Variants in FHIT observed in about 807,000 individuals in gnomAD.
The protein encoded by FHIT is bis(5'-adenosyl)-triphosphatase.
In FHIT, 19 loss-of-function variants were observed where a neutral mutation model predicts 17.9. That is an observed-to-expected ratio of 1.06 (90% CI 0.74 to 1.56). The LOEUF (loss-of-function observed/expected upper bound fraction) is 1.56, where lower values mean the gene tolerates loss of function less well. Ranked by LOEUF, FHIT falls within the 40% of genes most tolerant of loss-of-function variation. FHIT has a pLI of 0.00. For missense variants in FHIT, 248 were observed against 189.2 expected, an observed-to-expected ratio of 1.31 and a Z score of -1.82; for synonymous variants, 81 against 69.7, an observed-to-expected ratio of 1.16 and a Z score of -0.81.
chr3:60,260,059 G>A (rs540753444), intron 5 of FHIT, among the ~76,000 whole-genome samples: 23 of 152,124 alleles, frequency 1.5e-4, no homozygotes, highest in African/African-American at 9.6e-5. Context: ...AGGTCAGAAA[G>A]GATTTGCTTT....
chr3:60,820,665 G>A (rs1701892221), intron 4 of FHIT, among the ~76,000 whole-genome samples: 1 of 152,200 alleles, frequency 6.6e-6, no homozygotes, highest in East Asian at 1.9e-4. Flanking sequence ...AAGGCAGCAC[G>A]AAGGATAAGC....
intron 3 of FHIT, among the ~76,000 whole-genome samples, chr3:60,969,296 C>T (rs1460815202): frequency 1.3e-5 from 2 of 152,158 alleles, no homozygotes; most frequent in East Asian, 3.9e-4. Context: ...TTCAAATTTA[C>T]TGGCATAAAA....
At chr3:61,111,194 C>A (rs1422128569) in intron 2 of FHIT, among the ~76,000 whole-genome samples, 3 of 152,142 alleles carry the variant, frequency 2.0e-5, no homozygotes, top group Non-Finnish European at 2.9e-5. Flanking sequence ...CACTTTAAGC[C>A]TCGGTGCCTT....
At chr3:61,220,097 C>A in intron 1 of FHIT, among the ~76,000 whole-genome samples, 1 of 152,168 alleles carries the variant, frequency 6.6e-6, no homozygotes, top group East Asian at 1.9e-4. Context: ...AGGAAAGAGT[C>A]TGTGCATTCA....
intron 4 of FHIT, among the ~76,000 whole-genome samples, chr3:60,539,975 T>C (rs2036130662): frequency 6.7e-6 from 1 of 148,312 alleles, no homozygotes; most frequent in Non-Finnish European, 1.5e-5. Context: ...TAAAATAAAT[T>C]AAATTAAAAT....
chr3:60,029,030 C>T (rs1451300627), intron 5 of FHIT, among the ~76,000 whole-genome samples: 2 of 152,174 alleles, frequency 1.3e-5, no homozygotes, highest in East Asian at 3.9e-4. Flanking sequence ...GTTCAAGAGA[C>T]TCTCAATAAG....
At chr3:60,493,544 G>A (rs572765312) in intron 5 of FHIT, among the ~76,000 whole-genome samples, 1 of 152,082 alleles carries the variant, frequency 6.6e-6, no homozygotes, top group African/African-American at 2.4e-5. Flanking sequence ...AAAGAAGTGT[G>A]CTTACATTTG....
chr3:60,137,987 C>T (rs1559667970), intron 5 of FHIT, among the ~76,000 whole-genome samples: 2 of 152,282 alleles, frequency 1.3e-5, no homozygotes, highest in South Asian at 4.1e-4. Context: ...TTATGAATTA[C>T]ATGTGTGCAG....
intron 3 of FHIT, among the ~76,000 whole-genome samples, chr3:60,973,253 C>T (rs943054647): frequency 1.3e-5 from 2 of 152,100 alleles, no homozygotes; most frequent in Non-Finnish European, 2.9e-5. Flanking sequence ...GGTATATTTC[C>T]AGTTTGCTCT....
At chr3:60,254,500 C>CA (rs935982788) in intron 5 of FHIT, among the ~76,000 whole-genome samples, 2 of 151,772 alleles carry the variant, frequency 1.3e-5, no homozygotes, top group Non-Finnish European at 1.5e-5. Context: ...AGAGTATTAG[C>CA]AAAAAAATAC....
intron 8 of FHIT, among the ~76,000 whole-genome samples, chr3:59,868,056 A>AAC (rs1559680413): frequency 2.6e-5 from 4 of 151,326 alleles, no homozygotes; most frequent in African/African-American, 9.7e-5. Context: ...TTAAAAAAAA[A>AAC]AAAAAAAAAA....
At chr3:61,093,446 T>C (rs953285146) in intron 2 of FHIT, among the ~76,000 whole-genome samples, 3 of 151,962 alleles carry the variant, frequency 2.0e-5, no homozygotes, top group Non-Finnish European at 2.9e-5. Context: ...GCTCTTACAA[T>C]ACAGATGACA....
intron 5 of FHIT, among the ~76,000 whole-genome samples, chr3:60,245,376 T>C (rs1705339853): frequency 1.3e-5 from 2 of 152,010 alleles, no homozygotes; most frequent in Admixed American, 1.3e-4. Context: ...AGGCTAGAAA[T>C]GTTCTTAGAA....
intron 8 of FHIT, among the ~76,000 whole-genome samples, chr3:59,815,521 A>G (rs1297666791): frequency 6.6e-6 from 1 of 152,130 alleles, no homozygotes; most frequent in Non-Finnish European, 1.5e-5. Context: ...AAATTGTGGT[A>G]TATATATATA....
intron 4 of FHIT, among the ~76,000 whole-genome samples, chr3:60,647,846 C>T (rs559049432): frequency 6.6e-6 from 1 of 152,180 alleles, no homozygotes; most frequent in Non-Finnish European, 1.5e-5. Context: ...AGCTAGTAAT[C>T]TTGGGGATGA....
chr3:60,953,692 T>C (rs1225625651), intron 3 of FHIT, among the ~76,000 whole-genome samples: 1 of 152,178 alleles, frequency 6.6e-6, no homozygotes, highest in Non-Finnish European at 1.5e-5. Context: ...AGGGTCTCTC[T>C]GGCAATCTGG....
intron 8 of FHIT, among the ~76,000 whole-genome samples, chr3:59,817,562 T>TAAAAAAAAA (rs10691937): frequency 2.1e-5 from 2 of 93,886 alleles, no homozygotes; most frequent in Non-Finnish European, 2.0e-5. Flanking sequence ...CACCCGTCAC[T>TAAAAAAAAA]AAAAAAAAAA....
chr3:60,851,166 G>C (rs781916264), intron 3 of FHIT, among the ~76,000 whole-genome samples: 1 of 152,136 alleles, frequency 6.6e-6, no homozygotes, highest in Non-Finnish European at 1.5e-5. Flanking sequence ...ACCAAAGATA[G>C]CTGAGTGGCA....
chr3:61,026,509 G>C (rs2032740913), intron 3 of FHIT, among the ~76,000 whole-genome samples: 1 of 152,268 alleles, frequency 6.6e-6, no homozygotes, highest in Admixed American at 6.5e-5. Context: ...AGCCTTACCT[G>C]ATCATAGAAA....
Sources: gnomAD v4.1 joint callset for allele counts (sites outside exome capture counted in the v4.1 genomes callset) on GRCh38, gnomAD v4.1.1 for gene constraint, MANE v1.5 for transcripts, NCBI Gene and HGNC (gene_info 2026-07-23, HGNC 2026-07-21) for gene names.